OPCML: variants seen among roughly 807,000 people sequenced by gnomAD.
OPCML encodes the protein opioid-binding protein/cell adhesion molecule.
Under a neutral mutation model 37.8 loss-of-function variants are expected in OPCML, and 13 were observed. The observed-to-expected ratio is 0.34, with a 90% confidence interval of 0.22 to 0.55. The LOEUF is 0.55. Among genes scored for constraint, OPCML ranks in the 20% least tolerant of loss-of-function variants. The pLI, the probability that OPCML is intolerant of heterozygous loss-of-function variation, is 0.91. For missense variants in OPCML, 341 were observed against 435.6 expected, an observed-to-expected ratio of 0.78 and a Z score of 1.93; for synonymous variants, 176 against 168.8, an observed-to-expected ratio of 1.04 and a Z score of -0.33.
chr11:132,972,318 T>C (rs1461759258), intron 1 of OPCML, among the ~76,000 whole-genome samples: 1 of 152,230 alleles, frequency 6.6e-6, no homozygotes, highest in Non-Finnish European at 1.5e-5. Context: ...TGTCCCACAC[T>C]AAACACCTCT....
chr11:133,480,134 C>T (rs900722607), intron 1 of OPCML, among the ~76,000 whole-genome samples: 1 of 152,188 alleles, frequency 6.6e-6, no homozygotes, highest in Admixed American at 6.5e-5. Context: ...ACATCCACCC[C>T]TTCCCTTCCC....
At chr11:133,009,944 A>G (rs908892657) in intron 1 of OPCML, among the ~76,000 whole-genome samples, 1 of 152,198 alleles carries the variant, frequency 6.6e-6, no homozygotes, top group Non-Finnish European at 1.5e-5. Context: ...CATTCAGAGG[A>G]GAATGCCCAG....
At chr11:133,354,102 G>T (rs1279866367) in intron 1 of OPCML, among the ~76,000 whole-genome samples, 1 of 133,966 alleles carries the variant, frequency 7.5e-6, no homozygotes, top group East Asian at 2.2e-4. Context: ...TGCTTTTCTA[G>T]TGTTCCAGAT....
intron 1 of OPCML, among the ~76,000 whole-genome samples, chr11:133,386,378 T>C (rs1420059227): frequency 6.6e-6 from 1 of 152,246 alleles, no homozygotes; most frequent in South Asian, 2.1e-4. Context: ...CGTTTGCTTA[T>C]GGCGCATTTA....
chr11:133,076,858 A>G (rs1055653136), intron 1 of OPCML, among the ~76,000 whole-genome samples: 1 of 152,198 alleles, frequency 6.6e-6, no homozygotes, highest in Admixed American at 6.5e-5. Context: ...ACTCATCTCA[A>G]CTGGTTCTTC....
chr11:133,310,741 A>C (rs1261436908), intron 1 of OPCML, among the ~76,000 whole-genome samples: 5 of 152,068 alleles, frequency 3.3e-5, no homozygotes, highest in Admixed American at 1.3e-4. Flanking sequence ...CTTAAGTGAG[A>C]ATCCTCAGCC....
At chr11:133,129,254 A>G (rs1949567176) in intron 1 of OPCML, among the ~76,000 whole-genome samples, 1 of 152,166 alleles carries the variant, frequency 6.6e-6, no homozygotes, top group Non-Finnish European at 1.5e-5. Flanking sequence ...TACTCAGTTG[A>G]GTACAGATCA....
intron 1 of OPCML, among the ~76,000 whole-genome samples, chr11:133,164,953 G>A (rs1950189942): frequency 6.6e-6 from 1 of 152,204 alleles, no homozygotes; most frequent in South Asian, 2.1e-4. Flanking sequence ...AGAATAGCTG[G>A]AAAAGCTCCT....
chr11:133,018,178 C>T (rs973633798), intron 1 of OPCML, among the ~76,000 whole-genome samples: 1 of 152,146 alleles, frequency 6.6e-6, no homozygotes. Flanking sequence ...AGGGTTGTTA[C>T]TTTCCTTTTG....
chr11:133,006,889 C>T (rs1038253518), intron 1 of OPCML: 1 of 985,342 alleles, frequency 1.0e-6, no homozygotes, highest in African/African-American at 1.7e-5. Context: ...CATGCTATAC[C>T]TGTCATGGGG....
chr11:133,475,993 A>C (rs1348971391), intron 1 of OPCML, among the ~76,000 whole-genome samples: 2 of 152,178 alleles, frequency 1.3e-5, no homozygotes, highest in East Asian at 3.9e-4. Context: ...CTGGGAGTGC[A>C]AAGAGGATGA....
chr11:133,161,983 G>GTTTTT (rs1592061925), intron 1 of OPCML, among the ~76,000 whole-genome samples: 2 of 78,016 alleles, frequency 2.6e-5, no homozygotes, highest in Non-Finnish European at 5.3e-5. Context: ...GGCAGTCTCT[G>GTTTTT]TCTTTTTTTT....
chr11:132,518,911 C>A (rs996908109), intron 4 of OPCML, among the ~76,000 whole-genome samples: 8 of 152,178 alleles, frequency 5.3e-5, no homozygotes, highest in African/African-American at 1.9e-4. Flanking sequence ...TTACAACAGA[C>A]GGTAGGCAGG....
At chr11:132,764,689 C>T (rs1351369485) in intron 2 of OPCML, among the ~76,000 whole-genome samples, 1 of 152,142 alleles carries the variant, frequency 6.6e-6, no homozygotes, top group Non-Finnish European at 1.5e-5. Flanking sequence ...GACCTCTGTT[C>T]CACTGAGCAG....
chr11:133,377,761 T>C (rs983773358), intron 1 of OPCML, among the ~76,000 whole-genome samples: 1 of 152,154 alleles, frequency 6.6e-6, no homozygotes, highest in Non-Finnish European at 1.5e-5. Context: ...TTCATTTATT[T>C]CATTCTCCTC....
At chr11:132,727,315 G>C (rs956934091) in intron 2 of OPCML, among the ~76,000 whole-genome samples, 4 of 152,170 alleles carry the variant, frequency 2.6e-5, no homozygotes, top group African/African-American at 9.7e-5. Flanking sequence ...CGTTTCACCT[G>C]TGCCTAGAGA....
intron 1 of OPCML, among the ~76,000 whole-genome samples, chr11:133,392,112 C>T (rs1945185480): frequency 6.6e-6 from 1 of 152,118 alleles, no homozygotes; most frequent in South Asian, 2.1e-4. Flanking sequence ...AAAGTTAATG[C>T]TTACTGAGTG....
At chr11:133,329,534 T>C (rs972462316) in intron 1 of OPCML, among the ~76,000 whole-genome samples, 3 of 152,090 alleles carry the variant, frequency 2.0e-5, no homozygotes, top group Non-Finnish European at 4.4e-5. Context: ...ATGCCGCATA[T>C]CTACAACCAT....
At chr11:132,817,669 G>A (rs1306181906) in intron 2 of OPCML, among the ~76,000 whole-genome samples, 1 of 151,954 alleles carries the variant, frequency 6.6e-6, no homozygotes. Context: ...TTACCAGGAG[G>A]GCTTTGAATT....
Sources: gnomAD v4.1 joint callset for allele counts (sites outside exome capture counted in the v4.1 genomes callset) on GRCh38, gnomAD v4.1.1 for gene constraint, MANE v1.5 for transcripts, NCBI Gene and HGNC (gene_info 2026-07-23, HGNC 2026-07-21) for gene names.